Variants in SPMIP11 observed in about 807,000 individuals in gnomAD.
SPMIP11 encodes the protein long intergenic non-protein coding RNA 935.
the SPMIP11 span, among the ~76,000 whole-genome samples, chr12:48,770,049 C>A: frequency 5.8e-4 from 87 of 151,034 alleles, 1 homozygote; most frequent in East Asian, 0.016. Flanking sequence ...GCGTGAGCCA[C>A]TGCGCCCGGC....
the SPMIP11 span, among the ~76,000 whole-genome samples, chr12:48,755,330 A>G: frequency 6.6e-6 from 1 of 152,206 alleles, no homozygotes; most frequent in African/African-American, 2.4e-5. Context: ...CATGCAGAGC[A>G]TGGCGTTAAC....
chr12:48,744,246 C>G, the SPMIP11 span, among the ~76,000 whole-genome samples: 1 of 86,614 alleles, frequency 1.2e-5, no homozygotes, highest in Non-Finnish European at 2.3e-5. Flanking sequence ...GAAGCAACCT[C>G]TCAAAAAAAA....
At chr12:48,768,534 C>G in the SPMIP11 span, 11 of 1,613,036 alleles carry the variant, frequency 6.8e-6, no homozygotes, top group Non-Finnish European at 7.6e-6. Context: ...CCAGTGAGCA[C>G]AGAGTCCACT....
chr12:48,755,840 T>C, the SPMIP11 span, among the ~76,000 whole-genome samples: 1 of 151,596 alleles, frequency 6.6e-6, no homozygotes, highest in Non-Finnish European at 1.5e-5. Context: ...GACTGGCCAC[T>C]AGGAATATGC....
At chr12:48,759,700 G>A in the SPMIP11 span, among the ~76,000 whole-genome samples, 660 of 151,758 alleles carry the variant, frequency 4.3e-3, 7 homozygotes, top group African/African-American at 0.015. Flanking sequence ...CTGGGATGTG[G>A]TTGGGTATGG....
At chr12:48,758,127 C>G in the SPMIP11 span, among the ~76,000 whole-genome samples, 2 of 152,124 alleles carry the variant, frequency 1.3e-5, no homozygotes, top group Admixed American at 6.6e-5. Flanking sequence ...ACGATTGCAC[C>G]ACTGTACTCC....
At chr12:48,760,020 C>T in the SPMIP11 span, among the ~76,000 whole-genome samples, 1 of 152,174 alleles carries the variant, frequency 6.6e-6, no homozygotes, top group African/African-American at 2.4e-5. Context: ...TGGTCTCAAA[C>T]TCCTGACCTC....
chr12:48,748,165 A>T, the SPMIP11 span, among the ~76,000 whole-genome samples: 1 of 152,082 alleles, frequency 6.6e-6, no homozygotes, highest in Non-Finnish European at 1.5e-5. Context: ...CCATCATCCC[A>T]TTTAACATTC....
chr12:48,736,013 A>C, the SPMIP11 span: 2 of 415,022 alleles, frequency 4.8e-6, no homozygotes, highest in South Asian at 3.5e-5. Context: ...GTAGTCTTAC[A>C]ACTATGTAAA....
the SPMIP11 span, chr12:48,759,326 A>T: frequency 2.5e-3 from 1,781 of 702,896 alleles, 9 homozygotes; most frequent in Admixed American, 2.4e-3. Context: ...GTGTTGTTGA[A>T]GACGTGTAAG....
the SPMIP11 span, among the ~76,000 whole-genome samples, chr12:48,730,946 C>A: frequency 6.6e-6 from 1 of 151,676 alleles, no homozygotes; most frequent in Non-Finnish European, 1.5e-5. Context: ...CCCCGCCCCC[C>A]AAAAAAAGAA....
chr12:48,748,696 T>G, the SPMIP11 span, among the ~76,000 whole-genome samples: 2 of 151,920 alleles, frequency 1.3e-5, no homozygotes, highest in Non-Finnish European at 1.5e-5. Flanking sequence ...CAACACCTCC[T>G]CCCCCATCCT....
At chr12:48,769,111 C>A in the SPMIP11 span, 11 of 1,504,458 alleles carry the variant, frequency 7.3e-6, no homozygotes, top group Non-Finnish European at 9.8e-6. Flanking sequence ...AGGGTAAACC[C>A]AGGGAGTCAT....
chr12:48,729,585 C>T, the SPMIP11 span, among the ~76,000 whole-genome samples: 1 of 151,646 alleles, frequency 6.6e-6, no homozygotes, highest in Non-Finnish European at 1.5e-5. Flanking sequence ...CGGTGCATGC[C>T]TGTAATCCCA....
At chr12:48,735,253 C>T in the SPMIP11 span, among the ~76,000 whole-genome samples, 2 of 152,162 alleles carry the variant, frequency 1.3e-5, no homozygotes, top group African/African-American at 4.8e-5. Flanking sequence ...ATACTCTAAG[C>T]AGAGAACTCA....
chr12:48,769,645 G>C, the SPMIP11 span, among the ~76,000 whole-genome samples: 22 of 149,166 alleles, frequency 1.5e-4, no homozygotes, highest in Non-Finnish European at 1.5e-5. Context: ...GGAGTGCAGT[G>C]GCACAATCTC....
the SPMIP11 span, among the ~76,000 whole-genome samples, chr12:48,753,934 C>G: frequency 6.6e-6 from 1 of 151,940 alleles, no homozygotes; most frequent in African/African-American, 2.4e-5. Context: ...AACTCCTGAC[C>G]TCAAGTGATC....
chr12:48,771,229 T>G, the SPMIP11 span: 1 of 548,284 alleles, frequency 1.8e-6, no homozygotes. The surrounding 1 kb of genome is among the most constrained non-coding windows in gnomAD (Gnocchi z 4.3). Context: ...AGTGCAATAT[T>G]AAGCAATTTC....
At chr12:48,757,657 AAT>A in the SPMIP11 span, among the ~76,000 whole-genome samples, 3 of 83,690 alleles carry the variant, frequency 3.6e-5, no homozygotes, top group South Asian at 6.8e-4. Flanking sequence ...AAAAAATAAA[AAT>A]AAAAATAAAA....
Sources: gnomAD v4.1 joint callset for allele counts (sites outside exome capture counted in the v4.1 genomes callset) on GRCh38, gnomAD v4.1.1 for gene constraint, Gnocchi (gnomAD v3.1) non-coding constraint, MANE v1.5 for transcripts, NCBI Gene and HGNC (gene_info 2026-07-23, HGNC 2026-07-21) for gene names.